MSI2: variants seen among roughly 807,000 people sequenced by gnomAD.
MSI2 encodes the protein RNA-binding protein Musashi homolog 2.
In MSI2, 17 loss-of-function variants were observed where a neutral mutation model predicts 45.6. The ratio of observed to expected loss-of-function variants is 0.37; its 90% confidence interval spans 0.26 to 0.56. The LOEUF (loss-of-function observed/expected upper bound fraction) is 0.56. Among genes scored for constraint, MSI2 ranks in the 20% least tolerant of loss-of-function variants. The pLI, the probability that MSI2 is intolerant of heterozygous loss-of-function variation, is 0.77. For missense variants in MSI2, 293 were observed against 444.2 expected, an observed-to-expected ratio of 0.66 and a Z score of 3.06; for synonymous variants, 156 against 158.2, an observed-to-expected ratio of 0.99 and a Z score of 0.11.
chr17:57,257,430 T>TCCC, intron 2 of MSI2, 36 bp from the exon 3 acceptor site: 1 of 1,139,940 alleles, frequency 8.8e-7, no homozygotes, highest in South Asian at 1.4e-5. Flanking sequence ...CCACACCTTC[T>TCCC]CTCCCCCCCC....
intron 7 of MSI2, among the ~76,000 whole-genome samples, chr17:57,563,255 A>G (rs1443016059): frequency 1.3e-5 from 2 of 151,952 alleles, no homozygotes; most frequent in African/African-American, 2.4e-5. Flanking sequence ...CTCATCACCT[A>G]CCCCATCCAC....
At chr17:57,536,706 G>A (rs2086927460) in intron 7 of MSI2, among the ~76,000 whole-genome samples, 1 of 152,198 alleles carries the variant, frequency 6.6e-6, no homozygotes, top group Non-Finnish European at 1.5e-5. Context: ...TCTGCACCAG[G>A]ATTAGAAACC....
At chr17:57,618,767 C>T (rs1907988118) in intron 9 of MSI2, among the ~76,000 whole-genome samples, 1 of 152,188 alleles carries the variant, frequency 6.6e-6, no homozygotes, top group Non-Finnish European at 1.5e-5. Flanking sequence ...TGGTCTCGAT[C>T]TCTTGACCTT....
Position 57,616,054 on chromosome 17 carries a change from G to C in MSI2, c.622G>C (p.Asp208His). The C allele has an allele frequency of 6.2e-7, 1 of 1,613,990 alleles. No homozygotes were observed. The highest frequency in any genetic ancestry group is 8.5e-7 in the Non-Finnish European group (1 of 1,179,882). ...GRARGLPYTMDAFMLGMGMLG... is the reference protein window; with the variant it reads ...GRARGLPYTMHAFMLGMGMLG... ...GGCCCGGGGACTGCCTTACACCATGGACGCGTTCATGCTTGGCATGGGGAT... is the reference window on the plus strand; with the variant it reads ...GGCCCGGGGACTGCCTTACACCATGCACGCGTTCATGCTTGGCATGGGGAT... The change falls in exon 9 of 14, where the codon GAC becomes CAC. Residue 208 changes from aspartate to histidine, a missense_variant. Physicochemically the swap from Asp to His is moderately conservative, Grantham distance 81. Transcript: ENST00000284073.
At chr17:57,602,229 G>T (rs113334471) in intron 8 of MSI2, among the ~76,000 whole-genome samples, 2,849 of 151,476 alleles carry the variant, frequency 0.019, 39 homozygotes, top group Non-Finnish European at 0.032. Flanking sequence ...TTTTTTTAAA[G>T]CTCATCAGCT....
chr17:57,690,167 T>C, the MSI2 span, among the ~76,000 whole-genome samples: 5 of 135,808 alleles, frequency 3.7e-5, no homozygotes, highest in Middle Eastern at 7.4e-3. Flanking sequence ...TTTTTTTTTT[T>C]AGTCATTCTA....
chr17:57,361,867 C>T (rs1352623122), intron 5 of MSI2, among the ~76,000 whole-genome samples: 2 of 152,130 alleles, frequency 1.3e-5, no homozygotes, highest in African/African-American at 4.8e-5. Context: ...GGAACACATG[C>T]CCTAAGGCCC....
chr17:57,290,377 A>G (rs540634499), intron 5 of MSI2, among the ~76,000 whole-genome samples: 4 of 152,204 alleles, frequency 2.6e-5, no homozygotes, highest in Non-Finnish European at 5.9e-5. Flanking sequence ...TGGTGTGATC[A>G]TAACTCACTG....
intron 6 of MSI2, among the ~76,000 whole-genome samples, chr17:57,519,537 G>A (rs1489194706): frequency 2.6e-5 from 4 of 152,134 alleles, no homozygotes; most frequent in East Asian, 1.9e-4. Flanking sequence ...CGGTGATCTC[G>A]AGCTTTTGGA....
At chr17:57,466,326 C>A (rs1486372216) in intron 6 of MSI2, among the ~76,000 whole-genome samples, 1 of 152,218 alleles carries the variant, frequency 6.6e-6, no homozygotes, top group East Asian at 1.9e-4. Context: ...CCTGGCCTCT[C>A]CCAGGCCCGC....
intron 1 of MSI2, 54 bp downstream of exon 1, chr17:57,256,858 C>T (rs1906772983): frequency 7.6e-7 from 1 of 1,319,144 alleles, no homozygotes. Flanking sequence ...CTCCTTGCAG[C>T]GGCGGGGACG....
chr17:57,320,951 C>A (rs563385185), intron 5 of MSI2, among the ~76,000 whole-genome samples: 1 of 152,174 alleles, frequency 6.6e-6, no homozygotes, highest in South Asian at 2.1e-4. Flanking sequence ...GCCTTCCCTG[C>A]ATCTGGGCCC....
intron 10 of MSI2, among the ~76,000 whole-genome samples, chr17:57,638,740 A>G (rs939362084): frequency 4.6e-5 from 7 of 151,978 alleles, no homozygotes; most frequent in African/African-American, 1.7e-4. Flanking sequence ...ATATTTAAAA[A>G]ATATTTAAAA....
At chr17:57,470,694 T>C (rs1478388797) in intron 6 of MSI2, among the ~76,000 whole-genome samples, 1 of 152,184 alleles carries the variant, frequency 6.6e-6, no homozygotes, top group Admixed American at 6.5e-5. Context: ...AGCCTTGCTG[T>C]CCACAGCAGG....
At chr17:57,381,161 G>C (rs984236157) in intron 5 of MSI2, among the ~76,000 whole-genome samples, 2 of 152,064 alleles carry the variant, frequency 1.3e-5, no homozygotes, top group African/African-American at 4.8e-5. Context: ...TCAACCTCCT[G>C]AACTCAAATG....
chr17:57,288,983 C>A (rs76764635), intron 5 of MSI2, among the ~76,000 whole-genome samples: 2 of 152,138 alleles, frequency 1.3e-5, no homozygotes, highest in Admixed American at 6.5e-5. Flanking sequence ...ACACAGTCAC[C>A]CTTAGATGAG....
At chr17:57,692,330 G>T in the MSI2 span, among the ~76,000 whole-genome samples, 4 of 152,110 alleles carry the variant, frequency 2.6e-5, no homozygotes, top group African/African-American at 9.7e-5. Flanking sequence ...TCAGAATAGT[G>T]ATGGCCACAT....
At chr17:57,554,062 T>C (rs2087371363) in intron 7 of MSI2, among the ~76,000 whole-genome samples, 1 of 152,146 alleles carries the variant, frequency 6.6e-6, no homozygotes, top group African/African-American at 2.4e-5. Context: ...AGGGGATTAA[T>C]GCTCTTTAAA....
chr17:57,561,054 A>C (rs2087563145), intron 7 of MSI2, among the ~76,000 whole-genome samples: 1 of 152,232 alleles, frequency 6.6e-6, no homozygotes, highest in South Asian at 2.1e-4. Context: ...AATGGCGGTG[A>C]GGTCGGTGCC....
Sources: gnomAD v4.1 joint callset for allele counts (sites outside exome capture counted in the v4.1 genomes callset) on GRCh38, gnomAD v4.1.1 for gene constraint, MANE v1.5 for transcripts, NCBI Gene and HGNC (gene_info 2026-07-23, HGNC 2026-07-21) for gene names.